Variants in COG5 observed in about 807,000 individuals in gnomAD.
COG5 encodes the protein component of oligomeric golgi complex 5, also known as conserved oligomeric Golgi complex subunit 5.
Under a neutral mutation model 110.4 loss-of-function variants are expected in COG5, and 86 were observed. The ratio of observed to expected loss-of-function variants is 0.78; its 90% CI spans 0.65 to 0.93. COG5 has a LOEUF of 0.93. COG5 is among the 40% of genes least tolerant of loss of function. COG5 has a pLI of 0.00. For missense variants in COG5, 1,077 were observed against 987.0 expected, an observed-to-expected ratio of 1.09 and a Z score of -1.22; for synonymous variants, 360 against 334.6, an observed-to-expected ratio of 1.08 and a Z score of -0.83.
At chr7:107,222,488 G>C (rs1800012532) in intron 19 of COG5, among the ~76,000 whole-genome samples, 1 of 152,202 alleles carries the variant, frequency 6.6e-6, no homozygotes. Flanking sequence ...ACAGGCGTGA[G>C]CCACCACGCC....
At chr7:107,539,996 A>G (rs977211124) in intron 5 of COG5, among the ~76,000 whole-genome samples, 6 of 152,214 alleles carry the variant, frequency 3.9e-5, no homozygotes, top group African/African-American at 7.2e-5. Context: ...AGGGAAACAG[A>G]GCATGACAGT....
chr7:107,468,269 G>A (rs972320137), intron 6 of COG5, among the ~76,000 whole-genome samples: 11 of 152,076 alleles, frequency 7.2e-5, no homozygotes, highest in Admixed American at 5.9e-4. Context: ...ACTTCATGGG[G>A]ATATTCTGAT....
At chr7:107,523,381 CTT>C (rs1455636210) in intron 6 of COG5, among the ~76,000 whole-genome samples, 1 of 151,600 alleles carries the variant, frequency 6.6e-6, no homozygotes, top group Admixed American at 6.6e-5. Flanking sequence ...TTACTCAACT[CTT>C]TTATTAACTA....
intron 6 of COG5, among the ~76,000 whole-genome samples, chr7:107,507,786 A>G (rs183644568): frequency 2.6e-5 from 4 of 152,328 alleles, no homozygotes; most frequent in Admixed American, 2.0e-4. Flanking sequence ...ATTAAGAAAT[A>G]TCATAGCTAC....
intron 21 of COG5, chr7:107,207,935 G>A (rs1413444518): frequency 2.0e-6 from 2 of 985,264 alleles, no homozygotes; most frequent in Non-Finnish European, 2.4e-6. Flanking sequence ...TATTATGCTG[G>A]GAGGAACAGA....
chr7:107,450,210 G>T, intron 6 of COG5: 1 of 157,872 alleles, frequency 6.3e-6, no homozygotes, highest in Non-Finnish European at 1.4e-5. Flanking sequence ...TCCTTCTGTG[G>T]CTAAACCAAG....
chr7:107,212,796 A>G (rs900428261), intron 19 of COG5, among the ~76,000 whole-genome samples: 1 of 152,242 alleles, frequency 6.6e-6, no homozygotes, highest in African/African-American at 2.4e-5. Flanking sequence ...ACAGAACCAT[A>G]TAAAAACTGC....
chr7:107,430,897 T>A (rs1016582307), intron 6 of COG5, among the ~76,000 whole-genome samples: 1 of 151,924 alleles, frequency 6.6e-6, no homozygotes, highest in Non-Finnish European at 1.5e-5. Flanking sequence ...AGTGGGAGAT[T>A]TGATTACAGA....
At chr7:107,204,650 GGTTT>G (rs1376814973) in intron 21 of COG5, among the ~76,000 whole-genome samples, 2 of 152,116 alleles carry the variant, frequency 1.3e-5, no homozygotes, top group African/African-American at 4.8e-5. Flanking sequence ...AATCTAATTG[GGTTT>G]GTTCAAGATT....
At chr7:107,536,234 A>C (rs1196175346) in intron 5 of COG5, among the ~76,000 whole-genome samples, 1 of 152,062 alleles carries the variant, frequency 6.6e-6, no homozygotes, top group East Asian at 1.9e-4. Flanking sequence ...CCTTCTCACC[A>C]CTCCTATTCA....
At chr7:107,429,468 T>C (rs889520864) in intron 6 of COG5, among the ~76,000 whole-genome samples, 1 of 152,132 alleles carries the variant, frequency 6.6e-6, no homozygotes, top group African/African-American at 2.4e-5. Context: ...AGTTTTTTTT[T>C]TTTTTAAGAG....
chr7:107,486,966 A>T (rs1373945195), intron 6 of COG5, among the ~76,000 whole-genome samples: 3 of 152,180 alleles, frequency 2.0e-5, no homozygotes, highest in Admixed American at 2.0e-4. Context: ...AGTTATACCA[A>T]AAAAATAGCA....
intron 19 of COG5, among the ~76,000 whole-genome samples, chr7:107,229,637 G>A (rs1800621607): frequency 2.0e-5 from 3 of 152,008 alleles, no homozygotes; most frequent in Non-Finnish European, 2.9e-5. Context: ...TAAGTGTTCA[G>A]CACTGACAAG....
Position 107,419,953 on chromosome 7 carries a change from G to GAAAACCT in COG5, c.539-7328_539-7322dup, listed in dbSNP as rs572802431. The stretch of plus-strand genomic sequence containing the variant: ...ACAGAATAACCATAAGTCTATATTT[G>GAAAACCT]AAAACCTATTAAACCTTTTTAATAA... On this transcript the variant is annotated intron_variant, in intron 6 of 21. Coordinates refer to ENST00000297135, the MANE Select transcript of COG5 (RefSeq NM_006348.5). Among the ~76,000 whole-genome samples the GAAAACCT allele has an allele frequency of 4.4e-3, 668 of 152,154 alleles. 6 individuals are homozygous for GAAAACCT. The highest frequency in any genetic ancestry group is 0.016 in the African/African-American group (653 of 41,522).
intron 6 of COG5, among the ~76,000 whole-genome samples, chr7:107,526,501 A>G (rs1185767525): frequency 6.6e-6 from 1 of 152,238 alleles, no homozygotes; most frequent in Admixed American, 6.5e-5. Context: ...AATTTTTAAA[A>G]TCTTCTAGGC....
intron 10 of COG5, among the ~76,000 whole-genome samples, chr7:107,335,757 T>C (rs1810645872): frequency 6.6e-6 from 1 of 152,016 alleles, no homozygotes; most frequent in African/African-American, 2.4e-5. Context: ...ACACATGAAC[T>C]GAATGTAAAG....
chr7:107,475,166 T>C (rs781055913), intron 6 of COG5: 1 of 1,609,926 alleles, frequency 6.2e-7, no homozygotes, highest in Non-Finnish European at 8.5e-7. Flanking sequence ...TTATATGCAT[T>C]CACTAGACAA....
chr7:107,271,139 G>A (rs1804235750), intron 14 of COG5, among the ~76,000 whole-genome samples: 1 of 151,926 alleles, frequency 6.6e-6, no homozygotes. Flanking sequence ...CTCAGCTACT[G>A]GGGAGGCTGA....
intron 12 of COG5, among the ~76,000 whole-genome samples, chr7:107,284,612 T>C (rs554002449): frequency 3.3e-5 from 5 of 152,374 alleles, no homozygotes; most frequent in Admixed American, 6.5e-5. Context: ...TGGAGTTCTA[T>C]GCTACTTTGT....
Sources: gnomAD v4.1 joint callset for allele counts (sites outside exome capture counted in the v4.1 genomes callset) on GRCh38, gnomAD v4.1.1 for gene constraint, MANE v1.5 for transcripts, NCBI Gene and HGNC (gene_info 2026-07-23, HGNC 2026-07-21) for gene names.